The following PCSK5 variants were observed in gnomAD, a reference collection of about 807,000 sequenced individuals.
The protein encoded by PCSK5 is proprotein convertase subtilisin/kexin type 5, also known as prohormone convertase 5.
Under a neutral mutation model 233.2 loss-of-function variants are expected in PCSK5, and 129 were observed. That is an observed-to-expected ratio of 0.55 (90% CI 0.48 to 0.64). The LOEUF (loss-of-function observed/expected upper bound fraction) is 0.64. Among genes scored for constraint, PCSK5 ranks in the 30% least tolerant of loss-of-function variants. PCSK5 has a pLI of 0.00. For synonymous variants in PCSK5, 825 were observed against 879.2 expected, an observed-to-expected ratio of 0.94 and a Z score of 1.09; for missense variants, 2,076 against 2,430.1, an observed-to-expected ratio of 0.85 and a Z score of 3.06.
At chr9:76,299,792 G>A (rs946185849) in intron 27 of PCSK5, among the ~76,000 whole-genome samples, 3 of 152,184 alleles carry the variant, frequency 2.0e-5, no homozygotes, top group Non-Finnish European at 4.4e-5. Context: ...GGCAGACCAC[G>A]GGCTTTGAAG....
intron 2 of PCSK5, among the ~76,000 whole-genome samples, chr9:75,948,321 C>G (rs1824678439): frequency 7.0e-6 from 1 of 143,058 alleles, no homozygotes; most frequent in Admixed American, 7.1e-5. Context: ...CCCCCCCACC[C>G]CCCGAAAGGC....
intron 25 of PCSK5, 39 bp downstream of exon 25, chr9:76,292,314 G>T (rs1468519811): frequency 4.7e-6 from 6 of 1,277,384 alleles, no homozygotes; most frequent in Admixed American, 3.4e-5. Flanking sequence ...TAACTTTTCT[G>T]CAGTTTAAGC....
intron 2 of PCSK5, among the ~76,000 whole-genome samples, chr9:75,945,356 C>T (rs1824516908): frequency 1.3e-5 from 2 of 152,096 alleles, no homozygotes; most frequent in South Asian, 4.1e-4. Flanking sequence ...CTCTCCCTTT[C>T]CCTCGTTTCT....
chr9:76,008,027 GCTC>G (rs1827559329), intron 3 of PCSK5, among the ~76,000 whole-genome samples: 1 of 151,682 alleles, frequency 6.6e-6, no homozygotes, highest in African/African-American at 2.4e-5. Context: ...TTCCATCTCT[GCTC>G]CTTTGCACTC....
intron 24 of PCSK5, among the ~76,000 whole-genome samples, chr9:76,280,003 T>C (rs1827817908): frequency 6.6e-6 from 1 of 152,206 alleles, no homozygotes; most frequent in Non-Finnish European, 1.5e-5. Context: ...CTAGCACATG[T>C]TGCATTTTTT....
At position 76,292,219 on chromosome 9, in the gene PCSK5, T is replaced by C. The variant is rs565125986; in HGVS notation, c.3143-14T>C. On this transcript the variant is annotated splice_polypyrimidine_tract_variant and intron_variant, in intron 24 of 37. Coordinates refer to ENST00000674117, the MANE Select transcript of PCSK5 (RefSeq NM_001372043.1). ...TCCTCATGATTATTACTTTTTATTA[T>C]TTTTTTTTTCCAGATGATCCAGGAA... 1,235 of 818,098 alleles carry C rather than the reference T, an allele frequency of 1.5e-3. 18 individuals carry two copies. In the Middle Eastern group the frequency reaches 0.026, roughly 17 times the overall value. 50.7% of individuals were successfully genotyped at this position (818,098 alleles called of 1,614,324 possible). A position where few individuals can be genotyped will look rare whatever the true frequency, so the allele number is the denominator to read the frequency against.
intron 4 of PCSK5, 73 bp downstream of exon 4, chr9:76,023,954 G>A (rs1828308350): frequency 1.5e-6 from 2 of 1,363,652 alleles, no homozygotes; most frequent in African/African-American, 1.5e-5. Flanking sequence ...TTATCAAAAA[G>A]GTGGATAGCT....
rs959424512 is a variant in PCSK5 at position 76,355,460 on chromosome 9, G to A, written c.5254+1241G>A. On this transcript the variant is annotated intron_variant, in intron 37 of 37. Coordinates refer to ENST00000674117, the MANE Select transcript of PCSK5 (RefSeq NM_001372043.1). Reference sequence around the variant, plus strand: ...TGCACTCCAGCCTGGGTGACAGAGCGAGACTCCGTCTCAAAAAAAGAAAAG... The same window carrying A: ...TGCACTCCAGCCTGGGTGACAGAGCAAGACTCCGTCTCAAAAAAAGAAAAG... Among the ~76,000 whole-genome samples, 8 of 151,776 alleles carry A rather than the reference G, an allele frequency of 5.3e-5. No homozygotes were observed. The East Asian group carries it at 5.9e-4, about 11-fold the overall frequency.
At chr9:76,328,922 C>T (rs1829448849) in intron 33 of PCSK5, among the ~76,000 whole-genome samples, 1 of 151,154 alleles carries the variant, frequency 6.6e-6, no homozygotes, top group Non-Finnish European at 1.5e-5. Context: ...AATTGTCATG[C>T]CTCAGTCTTC....
intron 24 of PCSK5, among the ~76,000 whole-genome samples, chr9:76,274,337 T>C (rs1482794304): frequency 6.6e-6 from 1 of 152,170 alleles, no homozygotes; most frequent in African/African-American, 2.4e-5. Context: ...TTTTTATTTC[T>C]TTAAAAATTT....
intron 1 of PCSK5, among the ~76,000 whole-genome samples, chr9:75,919,042 G>A (rs951411373): frequency 6.6e-6 from 1 of 152,148 alleles, no homozygotes; most frequent in Non-Finnish European, 1.5e-5. Context: ...AATGCGTATG[G>A]TTGTGTAGCC....
chr9:75,922,656 T>C (rs1823305038), intron 1 of PCSK5, among the ~76,000 whole-genome samples: 2 of 152,156 alleles, frequency 1.3e-5, no homozygotes, highest in African/African-American at 4.8e-5. Context: ...TGCAGCACCC[T>C]AGCCAATTGG....
intron 17 of PCSK5, among the ~76,000 whole-genome samples, chr9:76,185,938 G>C (rs1218482168): frequency 6.6e-6 from 1 of 152,126 alleles, no homozygotes; most frequent in East Asian, 1.9e-4. Context: ...AGAAATAAAA[G>C]ATGATTTAAA....
At position 76,292,218 on chromosome 9, in the gene PCSK5, AT is replaced by A. The variant is rs3077145; in HGVS notation, c.3143-5del. Reference sequence around the variant, plus strand: ...TTCCTCATGATTATTACTTTTTATTATTTTTTTTTTCCAGATGATCCAGGAA... The same window carrying A: ...TTCCTCATGATTATTACTTTTTATTATTTTTTTTTCCAGATGATCCAGGAA... On this transcript the variant is annotated splice_polypyrimidine_tract_variant and intron_variant, in intron 24 of 37. Coordinates refer to ENST00000674117, the MANE Select transcript of PCSK5 (RefSeq NM_001372043.1). 301,433 of 1,396,690 alleles carry A rather than the reference AT, an allele frequency of 0.22. 32,767 individuals carry two copies. Among genetic ancestry groups the A allele is most frequent in the African/African-American group, 0.41 (28,791 of 70,240 alleles). 86.5% of individuals were successfully genotyped at this position (1,396,690 alleles called of 1,614,324 possible).
At chr9:75,977,394 C>T (rs924407615) in intron 2 of PCSK5, among the ~76,000 whole-genome samples, 4 of 134,846 alleles carry the variant, frequency 3.0e-5, no homozygotes, top group African/African-American at 1.1e-4. Context: ...CCACCCGCCA[C>T]ATATTTCCAG....
chr9:76,187,067 G>A (rs1587733203), intron 17 of PCSK5, among the ~76,000 whole-genome samples: 1 of 152,186 alleles, frequency 6.6e-6, no homozygotes, highest in South Asian at 2.1e-4. Context: ...TAAATTAAAT[G>A]CTAATGGGGA....
At chr9:76,161,051 G>T (rs1822830590) in intron 12 of PCSK5, among the ~76,000 whole-genome samples, 2 of 152,236 alleles carry the variant, frequency 1.3e-5, no homozygotes, top group African/African-American at 4.8e-5. Context: ...TGGGATTACA[G>T]GCATGAGCCA....
chr9:76,207,696 T>C (rs1217826860), intron 20 of PCSK5, among the ~76,000 whole-genome samples: 1 of 152,188 alleles, frequency 6.6e-6, no homozygotes, highest in East Asian at 1.9e-4. Context: ...GGATATGCTC[T>C]ACCGAATGGG....
chr9:76,265,339 G>A (rs527500005), intron 24 of PCSK5, among the ~76,000 whole-genome samples: 47 of 151,806 alleles, frequency 3.1e-4, no homozygotes, highest in Non-Finnish European at 5.6e-4. Flanking sequence ...CTAAACCACA[G>A]TGTCACTCGA....
Sources: gnomAD v4.1 joint callset for allele counts (sites outside exome capture counted in the v4.1 genomes callset) on GRCh38, gnomAD v4.1.1 for gene constraint, MANE v1.5 for transcripts, NCBI Gene and HGNC (gene_info 2026-07-23, HGNC 2026-07-21) for gene names.